SSBP4: variants seen among roughly 807,000 people sequenced by gnomAD.
The protein encoded by SSBP4 is single stranded DNA binding protein 4, also known as single-stranded DNA-binding protein 4.
SSBP4 carries 33 observed loss-of-function variants against 64.6 expected under a neutral mutation model. The observed-to-expected ratio is 0.51, with a 90% CI of 0.39 to 0.68. The LOEUF (loss-of-function observed/expected upper bound fraction) is 0.68, where lower values mean the gene tolerates loss of function less well. Among genes scored for constraint, SSBP4 ranks in the 30% least tolerant of loss-of-function variants. The pLI is 0.00. For missense variants in SSBP4, 583 were observed against 566.8 expected (o/e 1.03, Z -0.29); for synonymous variants, 243 against 224.0 (o/e 1.08, Z -0.76).
chr19:18,433,483 C>A, intron 15 of SSBP4, 102 bp from the exon 16 acceptor site: 2 of 908,610 alleles, frequency 2.2e-6, no homozygotes, highest in Non-Finnish European at 2.9e-6. Context: ...GGGGCGGGGG[C>A]GCGTCGGCGG....
At chr19:18,406,886 G>C in the SSBP4 span, among the ~76,000 whole-genome samples, 1 of 152,060 alleles carries the variant, frequency 6.6e-6, no homozygotes, top group African/African-American at 2.4e-5. Flanking sequence ...AAGGTGGACT[G>C]ACATGGACAT....
At chr19:18,414,674 G>A (rs572026209), upstream of SSBP4, among the ~76,000 whole-genome samples, 1 of 152,302 alleles carries the variant, frequency 6.6e-6, no homozygotes, top group African/African-American at 2.4e-5. Flanking sequence ...GAAGTGTACC[G>A]GCTTTGGTTA....
intron 1 of SSBP4, among the ~76,000 whole-genome samples, chr19:18,422,832 T>C (rs7258465): frequency 0.45 from 67,830 of 152,136 alleles, 17,236 homozygotes; most frequent in African/African-American, 0.71. Context: ...CTCCAAACCT[T>C]GACTCTCCAG....
chr19:18,430,856 C>A lies in SSBP4; in HGVS notation c.295C>A (p.Pro99Thr). The stretch of plus-strand genomic sequence containing the variant: ...ACCCTTACAGAGTGCTGCAGCCGCC[C>A]CCAGCCCCGTTATGGGGAGTATGGC... ...AFQDYSAAAAPSPVMGSMAPG... is the reference protein window; with the variant it reads ...AFQDYSAAAATSPVMGSMAPG... The change falls in exon 5 of 18, where the codon CCC becomes ACC. Residue 99 changes from proline to threonine, a missense_variant. By Grantham distance (38) the Pro-to-Thr change is conservative. This residue lies in a region of SSBP4 where 444 missense variants were observed against 386.6 expected (regional missense o/e 1.15). Transcript: ENST00000270061. The A allele has an allele frequency of 6.2e-7, 1 of 1,613,112 alleles. No individual in the cohort carries two copies. Among genetic ancestry groups the A allele is most frequent in the Non-Finnish European group, 8.5e-7 (1 of 1,179,706 alleles).
In SSBP4 at chr19:18,432,977, C is replaced by T. The variant is rs145213164; in HGVS notation, c.846C>T (p.Ser282=). 5.1e-5 allele frequency: 83 copies of T among 1,614,046 alleles called. No homozygotes were observed. Among genetic ancestry groups the T allele is most frequent in the Non-Finnish European group, 6.6e-5 (78 of 1,180,036 alleles). ...CACCCTTCTGGTCTCCCCCAGATTC[C>T]ACCAACTCCAGCGAAAACATGTACA... The part of the protein sequence containing the change: ...GTPIMPSPGD[S]TNSSENMYTI... Residue 282 remains serine (S), a synonymous_variant, in exon 14 of 18, where the codon TCC becomes TCT. Transcript: ENST00000270061.
intron 4 of SSBP4, 70 bp from the exon 5 acceptor site, chr19:18,430,771 G>A: frequency 4.2e-6 from 6 of 1,429,988 alleles, no homozygotes; most frequent in Non-Finnish European, 5.7e-6. Context: ...GCAGAGAGGG[G>A]GGGCACACCC....
chr19:18,432,263 A>C (rs746835782), intron 10 of SSBP4, 49 bp downstream of exon 10: 2 of 1,597,386 alleles, frequency 1.3e-6, no homozygotes, highest in South Asian at 2.2e-5. Context: ...GGCCACCACC[A>C]GCTTCATGGC....
intron 4 of SSBP4, among the ~76,000 whole-genome samples, chr19:18,430,616 G>A (rs888441607): frequency 6.6e-6 from 1 of 152,190 alleles, no homozygotes. Flanking sequence ...AGATGGGTCT[G>A]GAGTGGGGAG....
At chr19:18,416,089 A>G (rs1972128922), upstream of SSBP4, among the ~76,000 whole-genome samples, 1 of 151,940 alleles carries the variant, frequency 6.6e-6, no homozygotes, top group Admixed American at 6.6e-5. Context: ...ATCTTGGCTC[A>G]CTGCAACCTT....
intron 5 of SSBP4, among the ~76,000 whole-genome samples, 191 bp downstream of exon 5, chr19:18,431,121 G>T (rs575171387): frequency 1.4e-4 from 22 of 152,222 alleles, no homozygotes; most frequent in Admixed American, 1.4e-3. Flanking sequence ...TGCAGTGGAG[G>T]GTGGGTGTCT....
upstream of SSBP4, among the ~76,000 whole-genome samples, chr19:18,417,608 G>A (rs539189304): frequency 6.6e-6 from 1 of 152,332 alleles, no homozygotes; most frequent in East Asian, 1.9e-4. The surrounding 1 kb of genome is among the most constrained non-coding windows in gnomAD (Gnocchi z 5.4). Context: ...TGGTCCCCCA[G>A]GCTCCGGGGC....
chr19:18,434,128 CCCTGT>C (rs1973801941), intron 17 of SSBP4, 84 bp from the exon 18 acceptor site: 1 of 1,589,802 alleles, frequency 6.3e-7, no homozygotes. Flanking sequence ...CCCAGCCCTG[CCCTGT>C]CCCCCATTGT....
chr19:18,407,409 T>G, the SSBP4 span, among the ~76,000 whole-genome samples: 1 of 151,744 alleles, frequency 6.6e-6, no homozygotes, highest in African/African-American at 2.4e-5. Flanking sequence ...TATAGTAATG[T>G]TTTTTTTGTT....
In SSBP4 at chr19:18,426,653, G is replaced by A. The variant is rs1972877422; in HGVS notation, c.60-698G>A. 6.6e-6 allele frequency among the ~76,000 whole-genome samples: 1 copy of A among 152,174 alleles called. No homozygotes were observed. The highest frequency in any genetic ancestry group is 1.5e-5 in the Non-Finnish European group (1 of 68,018). On this transcript the variant is annotated intron_variant, in intron 1 of 17. Coordinates refer to ENST00000270061, the MANE Select transcript of SSBP4 (RefSeq NM_032627.5). The surrounding 1 kb of genome is among the most constrained non-coding windows in gnomAD (Gnocchi z 4.5). The stretch of plus-strand genomic sequence containing the variant: ...GGTCCAAGCCCTTGGGGTGCACAGT[G>A]GTTGGGAGGGTGAGTCCAGGGGTCC...
chr19:18,429,832 C>A (rs1365823973), intron 4 of SSBP4, among the ~76,000 whole-genome samples: 1 of 152,146 alleles, frequency 6.6e-6, no homozygotes, highest in Non-Finnish European at 1.5e-5. Flanking sequence ...CAGTTTAGGA[C>A]CCTGGCGGGA....
upstream of SSBP4, chr19:18,418,908 G>A (rs1972235349): frequency 1.1e-6 from 1 of 941,812 alleles, no homozygotes; most frequent in African/African-American, 1.8e-5. The surrounding 1 kb of genome is among the most constrained non-coding windows in gnomAD (Gnocchi z 6.7). Context: ...ACTGTGAGCT[G>A]GGTGTGTGGC....
chr19:18,434,265 CCT>C lies in SSBP4; in HGVS notation c.*24_*25del. 6.2e-7 allele frequency: 1 copy of C among 1,610,520 alleles called. No homozygotes were observed. Among genetic ancestry groups the C allele is most frequent in the Non-Finnish European group, 8.5e-7 (1 of 1,178,966 alleles). On this transcript the variant is annotated 3_prime_UTR_variant, in exon 18 of 18. Coordinates refer to ENST00000270061, the MANE Select transcript of SSBP4 (RefSeq NM_032627.5). ...CGTGTGATGGGGCGGCAGCCCCGGG[CCT>C]CTCTGCGGGCCTAGGCTTCTGCCCA...
chr19:18,403,950 C>T, the SSBP4 span, among the ~76,000 whole-genome samples: 4 of 151,956 alleles, frequency 2.6e-5, no homozygotes, highest in Non-Finnish European at 5.9e-5. Flanking sequence ...TACCTGAAGC[C>T]GTCCCAGGCT....
At chr19:18,416,620 C>T (rs993954027), upstream of SSBP4, among the ~76,000 whole-genome samples, 1 of 152,244 alleles carries the variant, frequency 6.6e-6, no homozygotes, top group African/African-American at 2.4e-5. Context: ...CCTTCCCTGC[C>T]ATCATCCCCC....
Sources: gnomAD v4.1 joint callset for allele counts (sites outside exome capture counted in the v4.1 genomes callset) on GRCh38, gnomAD v4.1.1 for gene constraint, gnomAD v4.1.1 regional missense constraint, Gnocchi (gnomAD v3.1) non-coding constraint, MANE v1.5 for transcripts, NCBI Gene and HGNC (gene_info 2026-07-23, HGNC 2026-07-21) for gene names.